FHIT: variants seen among roughly 807,000 people sequenced by gnomAD.
FHIT encodes bis(5'-adenosyl)-triphosphatase.
In FHIT, 19 loss-of-function variants were observed where a neutral mutation model predicts 17.9. The ratio of observed to expected loss-of-function variants is 1.06; its 90% CI spans 0.74 to 1.56. The LOEUF (loss-of-function observed/expected upper bound fraction) is 1.56. Ranked by LOEUF, FHIT falls within the 40% of genes most tolerant of loss-of-function variation. FHIT has a pLI of 0.00. For synonymous variants in FHIT, 81 were observed against 69.7 expected, an observed-to-expected ratio of 1.16 and a Z score of -0.81; for missense variants, 248 against 189.2, an observed-to-expected ratio of 1.31 and a Z score of -1.82.
intron 8 of FHIT, among the ~76,000 whole-genome samples, chr3:59,871,761 T>G (rs564225349): frequency 1.3e-5 from 2 of 152,316 alleles, no homozygotes; most frequent in Non-Finnish European, 2.9e-5. Context: ...GGTAGCCTAA[T>G]TTCCTTTTCC....
At chr3:60,068,824 T>C (rs1050801337) in intron 5 of FHIT, among the ~76,000 whole-genome samples, 1 of 152,206 alleles carries the variant, frequency 6.6e-6, no homozygotes, top group Non-Finnish European at 1.5e-5. Flanking sequence ...ATGCTATTCT[T>C]GTTTTAAAAA....
At chr3:60,799,863 C>T (rs782115653) in intron 4 of FHIT, among the ~76,000 whole-genome samples, 9 of 152,106 alleles carry the variant, frequency 5.9e-5, no homozygotes, top group Non-Finnish European at 1.3e-4. Context: ...TTGTATATTT[C>T]CTATTCTGTA....
chr3:60,925,852 G>T (rs1239958441), intron 3 of FHIT, among the ~76,000 whole-genome samples: 1 of 152,124 alleles, frequency 6.6e-6, no homozygotes. Flanking sequence ...AAAATAAATG[G>T]ATGGAAGAAG....
chr3:60,521,299 G>A (rs1318442130), intron 5 of FHIT, among the ~76,000 whole-genome samples: 2 of 152,014 alleles, frequency 1.3e-5, no homozygotes, highest in Non-Finnish European at 1.5e-5. Context: ...CCAGGCTGGA[G>A]TGCAATGGCA....
chr3:60,814,097 C>G (rs532536349), intron 4 of FHIT, among the ~76,000 whole-genome samples: 54 of 152,148 alleles, frequency 3.5e-4, no homozygotes, highest in Non-Finnish European at 6.8e-4. Context: ...TCTTTGCCCA[C>G]AAAACTTATT....
At chr3:60,501,617 C>T (rs1005376242) in intron 5 of FHIT, among the ~76,000 whole-genome samples, 2 of 152,174 alleles carry the variant, frequency 1.3e-5, no homozygotes, top group African/African-American at 4.8e-5. Flanking sequence ...AATTCAGAAT[C>T]CTTAGAGTGA....
chr3:61,140,138 G>A (rs1053606771), intron 2 of FHIT, among the ~76,000 whole-genome samples: 2 of 152,052 alleles, frequency 1.3e-5, no homozygotes, highest in South Asian at 4.2e-4. Context: ...TACCAGCTCT[G>A]TAGCTTTGGG....
chr3:60,424,382 G>C (rs184695295), intron 5 of FHIT, among the ~76,000 whole-genome samples: 1 of 152,236 alleles, frequency 6.6e-6, no homozygotes, highest in Non-Finnish European at 1.5e-5. Context: ...CTTAGATACA[G>C]GGAGATAAAG....
chr3:59,749,034 A>G lies in FHIT; in HGVS notation c.*551T>C, dbSNP rs1700739895. ...TTGCTGCTGAGGGAATAATCACGAAAGCTGGAGAAGGCCAAGTCTATCTGA... is the reference window on the plus strand; with the variant it reads ...TTGCTGCTGAGGGAATAATCACGAAGGCTGGAGAAGGCCAAGTCTATCTGA... On this transcript the variant is annotated 3_prime_UTR_variant, in exon 10 of 10. Transcript: ENST00000492590. 6.6e-6 allele frequency among the ~76,000 whole-genome samples: 1 copy of G among 152,178 alleles called. No individual in the cohort carries two copies. The highest frequency in any genetic ancestry group is 1.5e-5 in the Non-Finnish European group (1 of 68,022).
chr3:60,297,460 G>C (rs1708263529), intron 5 of FHIT, among the ~76,000 whole-genome samples: 1 of 151,790 alleles, frequency 6.6e-6, no homozygotes, highest in East Asian at 1.9e-4. Context: ...AACATAGTTG[G>C]TTTCTATATG....
chr3:61,129,936 C>T (rs1021583712), intron 2 of FHIT, among the ~76,000 whole-genome samples: 4 of 152,066 alleles, frequency 2.6e-5, no homozygotes, highest in Non-Finnish European at 5.9e-5. Context: ...GTAATACCTG[C>T]TTACTGTAAA....
At chr3:60,081,417 T>C (rs549468230) in intron 5 of FHIT, among the ~76,000 whole-genome samples, 13 of 152,244 alleles carry the variant, frequency 8.5e-5, no homozygotes, top group Non-Finnish European at 1.8e-4. Context: ...TACTTCTCTG[T>C]ATCACACTCC....
chr3:60,733,748 G>T (rs2042080134), intron 4 of FHIT, among the ~76,000 whole-genome samples: 1 of 151,968 alleles, frequency 6.6e-6, no homozygotes, highest in Non-Finnish European at 1.5e-5. Context: ...ATTACACCTG[G>T]ACTATAGATT....
At chr3:61,126,088 C>G (rs1453598627) in intron 2 of FHIT, among the ~76,000 whole-genome samples, 1 of 152,066 alleles carries the variant, frequency 6.6e-6, no homozygotes, top group East Asian at 1.9e-4. Context: ...AAAGCCCCAG[C>G]CACTTGACTT....
intron 5 of FHIT, among the ~76,000 whole-genome samples, chr3:60,144,866 T>C (rs918925619): frequency 1.3e-5 from 2 of 152,216 alleles, no homozygotes; most frequent in East Asian, 1.9e-4. Flanking sequence ...GTAGTTTTAA[T>C]TCTTTTCTTA....
At chr3:60,452,035 T>C (rs1264121355) in intron 5 of FHIT, among the ~76,000 whole-genome samples, 2 of 152,184 alleles carry the variant, frequency 1.3e-5, no homozygotes, top group African/African-American at 4.8e-5. Context: ...AGTTTATTGC[T>C]TTCCCTCTGA....
At chr3:60,865,724 C>T (rs1479366398) in intron 3 of FHIT, among the ~76,000 whole-genome samples, 3 of 152,092 alleles carry the variant, frequency 2.0e-5, no homozygotes, top group African/African-American at 7.2e-5. Context: ...GATAGGCATG[C>T]TTATTCTCAT....
At chr3:61,039,027 G>A (rs2033382047) in intron 3 of FHIT, among the ~76,000 whole-genome samples, 1 of 152,064 alleles carries the variant, frequency 6.6e-6, no homozygotes, top group African/African-American at 2.4e-5. Flanking sequence ...TCTACTTGGT[G>A]CATATTTGGA....
At chr3:60,187,270 A>G (rs574346758) in intron 5 of FHIT, among the ~76,000 whole-genome samples, 1 of 152,300 alleles carries the variant, frequency 6.6e-6, no homozygotes, top group East Asian at 1.9e-4. Flanking sequence ...CTGTCATTAA[A>G]TTGGCTTCAC....
Sources: allele counts gnomAD v4.1 joint callset (sites outside exome capture counted in the v4.1 genomes callset), GRCh38; gene constraint gnomAD v4.1.1; transcripts MANE v1.5; gene names NCBI Gene and HGNC (gene_info 2026-07-23, HGNC 2026-07-21).